The following ADAMTS2 variants were observed in gnomAD, a reference collection of about 807,000 sequenced individuals.
The protein encoded by ADAMTS2 is A disintegrin and metalloproteinase with thrombospondin motifs 2.
Under a neutral mutation model 123.0 loss-of-function variants are expected in ADAMTS2, and 50 were observed. The observed-to-expected ratio is 0.41, with a 90% CI of 0.32 to 0.51. The LOEUF is 0.51. ADAMTS2 is among the 20% of genes least tolerant of loss of function. ADAMTS2 has a pLI of 0.35. For missense variants in ADAMTS2, 1,494 were observed against 1,705.2 expected (o/e 0.88, Z 2.18); for synonymous variants, 678 against 695.4 (o/e 0.98, Z 0.39).
intron 4 of ADAMTS2, among the ~76,000 whole-genome samples, chr5:179,184,415 G>A (rs1764118742): frequency 6.6e-6 from 1 of 151,566 alleles, no homozygotes; most frequent in Non-Finnish European, 1.5e-5. Flanking sequence ...GGAGGCTGAG[G>A]CAGGAGAATC....
intron 5 of ADAMTS2, among the ~76,000 whole-genome samples, chr5:179,176,126 C>T (rs1420807375): frequency 6.6e-6 from 1 of 152,212 alleles, no homozygotes; most frequent in African/African-American, 2.4e-5. Flanking sequence ...CTGTGCAGAA[C>T]ACTTTTAGGG....
intron 21 of ADAMTS2, among the ~76,000 whole-genome samples, chr5:179,116,422 C>T (rs1762661204): frequency 6.6e-6 from 1 of 152,214 alleles, no homozygotes; most frequent in African/African-American, 2.4e-5. Context: ...CACCCTTCCT[C>T]CTTCAGGGGC....
At chr5:179,165,248 C>T (rs917902106) in intron 5 of ADAMTS2, among the ~76,000 whole-genome samples, 1 of 152,242 alleles carries the variant, frequency 6.6e-6, no homozygotes, top group South Asian at 2.1e-4. Flanking sequence ...GGCACCCCAG[C>T]CCCCACCATC....
chr5:179,207,496 T>A lies in ADAMTS2; in HGVS notation c.891+17A>T. ...ACCCTCCCCGCCCCACCCTGCCCCC[T>A]CAGCCACCCCACTCACAATGTTCAT... On this transcript the variant is annotated intron_variant, in intron 4 of 21. Transcript: ENST00000251582. 8.1e-5 allele frequency: 51 copies of A among 628,854 alleles called. No homozygotes were observed. Among genetic ancestry groups the A allele is most frequent in the East Asian group, 6.5e-4 (11 of 17,034 alleles). The allele number at this position is 628,854 out of a possible 1,614,324, so 39.0% of individuals were successfully genotyped here.
At chr5:179,233,201 C>G (rs895643215) in intron 3 of ADAMTS2, among the ~76,000 whole-genome samples, 1 of 152,218 alleles carries the variant, frequency 6.6e-6, no homozygotes, top group African/African-American at 2.4e-5. Flanking sequence ...GAATAAAAAA[C>G]TTCTGTGTCT....
chr5:179,187,651 C>T (rs1764204725), intron 4 of ADAMTS2, among the ~76,000 whole-genome samples: 1 of 152,110 alleles, frequency 6.6e-6, no homozygotes, highest in African/African-American at 2.4e-5. Flanking sequence ...CCAAGGCCTG[C>T]GTGTGCTGGG....
intron 2 of ADAMTS2, among the ~76,000 whole-genome samples, chr5:179,333,807 C>T (rs1757540920): frequency 6.6e-6 from 1 of 152,044 alleles, no homozygotes; most frequent in Non-Finnish European, 1.5e-5. Flanking sequence ...ACCATATTGG[C>T]CAGGCTGGTC....
chr5:179,279,523 T>C (rs1442007679), intron 2 of ADAMTS2, among the ~76,000 whole-genome samples: 1 of 152,218 alleles, frequency 6.6e-6, no homozygotes, highest in Non-Finnish European at 1.5e-5. Flanking sequence ...AGCTGCCTGG[T>C]GGAATGACGG....
At chr5:179,267,655 G>C (rs918350347) in intron 3 of ADAMTS2, among the ~76,000 whole-genome samples, 5 of 152,244 alleles carry the variant, frequency 3.3e-5, no homozygotes, top group Admixed American at 3.3e-4. Flanking sequence ...ATCACAGAAA[G>C]CATGGGTAGC....
chr5:179,227,748 G>A (rs1368670712), intron 3 of ADAMTS2, among the ~76,000 whole-genome samples: 1 of 152,148 alleles, frequency 6.6e-6, no homozygotes, highest in African/African-American at 2.4e-5. Flanking sequence ...GCCTGGGAGT[G>A]AGGGAAGCCC....
chr5:179,196,893 A>G (rs1430795964), intron 4 of ADAMTS2, among the ~76,000 whole-genome samples: 6 of 152,278 alleles, frequency 3.9e-5, no homozygotes, highest in Admixed American at 3.3e-4. Context: ...CTGTGTTCCA[A>G]TAAAACTTTA....
intron 15 of ADAMTS2, among the ~76,000 whole-genome samples, chr5:179,131,173 C>T (rs1762954366): frequency 6.6e-6 from 1 of 151,534 alleles, no homozygotes; most frequent in Non-Finnish European, 1.5e-5. Context: ...ATTAGCTGGG[C>T]ATGGTGGCAC....
At chr5:179,311,054 C>T (rs674960) in intron 2 of ADAMTS2, among the ~76,000 whole-genome samples, 6 of 151,758 alleles carry the variant, frequency 4.0e-5, no homozygotes, top group Non-Finnish European at 7.4e-5. Flanking sequence ...CCCAACCCAC[C>T]GAGTGCAGGG....
chr5:179,204,427 C>T (rs1297446672), intron 4 of ADAMTS2, among the ~76,000 whole-genome samples: 1 of 152,254 alleles, frequency 6.6e-6, no homozygotes, highest in Non-Finnish European at 1.5e-5. Flanking sequence ...AAATTCAGTT[C>T]TTCAAGGACA....
chr5:179,146,665 T>C (rs1242188135), intron 10 of ADAMTS2, among the ~76,000 whole-genome samples: 1 of 152,252 alleles, frequency 6.6e-6, no homozygotes, highest in East Asian at 1.9e-4. Context: ...TATGTGTCTC[T>C]TCCTCCTAAT....
At chr5:179,238,224 G>C (rs968866898) in intron 3 of ADAMTS2, among the ~76,000 whole-genome samples, 6 of 152,190 alleles carry the variant, frequency 3.9e-5, no homozygotes, top group Admixed American at 6.5e-5. Context: ...ACATGCAGCA[G>C]GTGGAACCGC....
chr5:179,315,816 G>A lies in ADAMTS2; in HGVS notation c.534+27951C>T, dbSNP rs964740938. Among the ~76,000 whole-genome samples, 6 of 152,210 alleles carry A rather than the reference G, an allele frequency of 3.9e-5. No individual in the cohort carries two copies. In the South Asian group the frequency reaches 6.2e-4, roughly 16 times the overall value. ...GAGGAACTGAACAGCCACAGCCACC[G>A]CAGAACTGGGGGATCTGGACAGAGC... On this transcript the variant is annotated intron_variant, in intron 2 of 21. Coordinates refer to ENST00000251582, the MANE Select transcript of ADAMTS2 (RefSeq NM_014244.5).
intron 3 of ADAMTS2, among the ~76,000 whole-genome samples, chr5:179,255,686 T>C (rs139728698): frequency 2.0e-5 from 3 of 152,158 alleles, no homozygotes; most frequent in Non-Finnish European, 2.9e-5. Flanking sequence ...CCCAAGATTA[T>C]GGCCTGGCTG....
In ADAMTS2 at chr5:179,332,299, G is replaced by A. The variant is rs1757502409; in HGVS notation, c.534+11468C>T. The stretch of plus-strand genomic sequence containing the variant: ...ACTCACCCTCCCAGAACCTCCACCT[G>A]TTCACCAACCCAAAGCTCTCCAAAC... On this transcript the variant is annotated intron_variant, in intron 2 of 21. Coordinates refer to ENST00000251582, the MANE Select transcript of ADAMTS2 (RefSeq NM_014244.5). This position sits in a 1 kb window ranked among gnomAD's most constrained non-coding sequence, Gnocchi z 4.2. Among the ~76,000 whole-genome samples, 1 of 152,178 alleles carries A rather than the reference G, an allele frequency of 6.6e-6. No homozygotes were observed. The highest frequency in any genetic ancestry group is 1.5e-5 in the Non-Finnish European group (1 of 68,040).
Sources: gnomAD v4.1 joint callset for allele counts (sites outside exome capture counted in the v4.1 genomes callset) on GRCh38, gnomAD v4.1.1 for gene constraint, Gnocchi (gnomAD v3.1) non-coding constraint, MANE v1.5 for transcripts, NCBI Gene and HGNC (gene_info 2026-07-23, HGNC 2026-07-21) for gene names.